The following PLD5 variants were observed in gnomAD, a reference collection of about 807,000 sequenced individuals.
The protein encoded by PLD5 is phospholipase D family member 5, also known as inactive phospholipase D5.
In PLD5, 36 loss-of-function variants were observed where a neutral mutation model predicts 61.1. The ratio of observed to expected loss-of-function variants is 0.59; its 90% CI spans 0.45 to 0.78. PLD5 has a LOEUF of 0.78. PLD5 is among the 30% of genes least tolerant of loss of function. PLD5 has a pLI of 0.00. For missense variants in PLD5, 515 were observed against 644.4 expected (o/e 0.80, Z 2.17); for synonymous variants, 243 against 242.8 (o/e 1.00, Z -0.01).
intron 5 of PLD5, among the ~76,000 whole-genome samples, chr1:242,134,070 T>A (rs1663512073): frequency 6.6e-6 from 1 of 152,168 alleles, no homozygotes; most frequent in Non-Finnish European, 1.5e-5. Flanking sequence ...CCTTTTCAAA[T>A]CCCTCGAAGA....
rs1195031158 is a variant in PLD5, at chr1:242,404,869, C to T, written c.190-56627G>A. 8.7e-5 allele frequency among the ~76,000 whole-genome samples: 8 copies of T among 91,432 alleles called. No homozygotes were observed. The Admixed American group carries it at 9.2e-4, about 10-fold the overall frequency. The allele number at this position is 91,432 out of a possible 152,430, so 60.0% of individuals were successfully genotyped here. On this transcript the variant is annotated intron_variant, in intron 1 of 9. Coordinates refer to ENST00000536534, the MANE Select transcript of PLD5 (RefSeq NM_001372062.1). ...TGGATCCATGCCTCTTATCTGTTCC[C>T]TGCTAATTTTTTTTTTTTTTTTTTT...
At chr1:242,503,565 T>A (rs990103237) in intron 1 of PLD5, among the ~76,000 whole-genome samples, 1 of 152,176 alleles carries the variant, frequency 6.6e-6, no homozygotes, top group African/African-American at 2.4e-5. Flanking sequence ...CCAATTTTGA[T>A]AAGTTATAAG....
intron 9 of PLD5, among the ~76,000 whole-genome samples, chr1:242,096,660 T>C (rs112203657): frequency 1.3e-5 from 2 of 149,226 alleles, no homozygotes; most frequent in Non-Finnish European, 3.0e-5. Context: ...TTTTTGGTTG[T>C]TTGTTTGTTT....
intron 5 of PLD5, among the ~76,000 whole-genome samples, chr1:242,168,846 G>GTTTTTTTTTTGTTTTTTT (rs1666520622): frequency 9.0e-6 from 1 of 111,266 alleles, no homozygotes; most frequent in African/African-American, 3.7e-5. Context: ...AATTAATGAA[G>GTTTTTTTTTTGTTTTTTT]TTTTTTTTTT....
chr1:242,381,905 A>G (rs1429252332), intron 1 of PLD5, among the ~76,000 whole-genome samples: 2 of 152,272 alleles, frequency 1.3e-5, no homozygotes, highest in East Asian at 3.9e-4. Context: ...GGACGAGAGT[A>G]GAATCCAGAA....
intron 1 of PLD5, among the ~76,000 whole-genome samples, chr1:242,412,751 T>C (rs1664623455): frequency 6.6e-6 from 1 of 152,252 alleles, no homozygotes; most frequent in Non-Finnish European, 1.5e-5. Context: ...TTTTGGCTAT[T>C]GTAAATGTAA....
At chr1:242,183,461 TAAAG>T (rs1314615255) in intron 5 of PLD5, among the ~76,000 whole-genome samples, 3 of 151,954 alleles carry the variant, frequency 2.0e-5, no homozygotes, top group Non-Finnish European at 4.4e-5. Context: ...AAAGAGGAAA[TAAAG>T]AGAGTAAGGG....
At chr1:242,171,418 CTGGGTGTTT>C (rs1666737843) in intron 5 of PLD5, among the ~76,000 whole-genome samples, 1 of 152,088 alleles carries the variant, frequency 6.6e-6, no homozygotes, top group Non-Finnish European at 1.5e-5. Context: ...CTGGTACTAG[CTGGGTGTTT>C]TGCAAAAACA....
intron 2 of PLD5, among the ~76,000 whole-genome samples, chr1:242,330,545 C>T (rs2149200582): frequency 6.6e-6 from 1 of 152,310 alleles, no homozygotes; most frequent in Non-Finnish European, 1.5e-5. Flanking sequence ...GCTGTTGTTT[C>T]TTAACTCACT....
chr1:242,386,175 T>C (rs1662590589), intron 1 of PLD5, among the ~76,000 whole-genome samples: 2 of 152,182 alleles, frequency 1.3e-5, no homozygotes, highest in Admixed American at 1.3e-4. Context: ...CTAACCACTT[T>C]ATTTTAACTT....
chr1:242,489,673 T>TA (rs1668077474), intron 1 of PLD5, among the ~76,000 whole-genome samples: 1 of 152,146 alleles, frequency 6.6e-6, no homozygotes, highest in African/African-American at 2.4e-5. Context: ...CATACCATTA[T>TA]AAAAAGAAAG....
At chr1:242,226,998 A>G (rs1447640386) in intron 4 of PLD5, among the ~76,000 whole-genome samples, 1 of 152,238 alleles carries the variant, frequency 6.6e-6, no homozygotes, top group African/African-American at 2.4e-5. Flanking sequence ...TAATGTTACT[A>G]CTTTGAAGAA....
chr1:242,258,355 A>C (rs894580274), intron 4 of PLD5, among the ~76,000 whole-genome samples: 4 of 152,196 alleles, frequency 2.6e-5, no homozygotes, highest in African/African-American at 9.7e-5. Context: ...TTAGTTTAGA[A>C]TCTACCTCTC....
intron 1 of PLD5, among the ~76,000 whole-genome samples, chr1:242,473,476 G>C (rs1667501888): frequency 1.3e-5 from 2 of 152,172 alleles, no homozygotes; most frequent in Non-Finnish European, 2.9e-5. Flanking sequence ...TGTTACACAG[G>C]CTAGTTGTAA....
intron 1 of PLD5, among the ~76,000 whole-genome samples, chr1:242,468,472 C>G (rs1200326084): frequency 6.6e-6 from 1 of 152,114 alleles, no homozygotes; most frequent in Non-Finnish European, 1.5e-5. Flanking sequence ...TGACATTTCA[C>G]TCCTCAAATT....
At chr1:242,220,458 G>A (rs958454541) in intron 4 of PLD5, among the ~76,000 whole-genome samples, 1 of 152,074 alleles carries the variant, frequency 6.6e-6, no homozygotes, top group African/African-American at 2.4e-5. Context: ...CCATCTGGAC[G>A]GTGAGATAGG....
chr1:242,219,559 TTTG>T (rs772666504), intron 5 of PLD5, among the ~76,000 whole-genome samples: 1 of 152,206 alleles, frequency 6.6e-6, no homozygotes, highest in Non-Finnish European at 1.5e-5. Context: ...AAGTTAATCA[TTTG>T]TTAAGAGAAA....
At chr1:242,460,310 C>T (rs893297682) in intron 1 of PLD5, among the ~76,000 whole-genome samples, 4 of 152,124 alleles carry the variant, frequency 2.6e-5, no homozygotes, top group African/African-American at 9.7e-5. Context: ...CACCACGGGA[C>T]CAGAGGTGGT....
chr1:242,295,925 A>G (rs1001027996), intron 2 of PLD5, among the ~76,000 whole-genome samples: 4 of 152,218 alleles, frequency 2.6e-5, no homozygotes, highest in African/African-American at 9.6e-5. Context: ...TGATACTTTC[A>G]TACTTGATTT....
Sources: allele counts gnomAD v4.1 joint callset (sites outside exome capture counted in the v4.1 genomes callset), GRCh38; gene constraint gnomAD v4.1.1; transcripts MANE v1.5; gene names NCBI Gene and HGNC (gene_info 2026-07-23, HGNC 2026-07-21).